PSME3IP1: variants seen among roughly 807,000 people sequenced by gnomAD.
PSME3IP1 encodes proteasome activator subunit 3 interacting protein 1.
In PSME3IP1, 13 loss-of-function variants were observed where a neutral mutation model predicts 34.1. That is an observed-to-expected ratio of 0.38 (90% CI 0.25 to 0.61). The LOEUF (loss-of-function observed/expected upper bound fraction) is 0.61. Ranked by LOEUF, PSME3IP1 falls within the 20% of genes least tolerant of loss-of-function variation. PSME3IP1 has a pLI of 0.60. For synonymous variants in PSME3IP1, 93 were observed against 114.3 expected, an observed-to-expected ratio of 0.81 and a Z score of 1.19; for missense variants, 237 against 301.4, an observed-to-expected ratio of 0.79 and a Z score of 1.58.
rs2072670811 is a variant in PSME3IP1, at chr16:57,172,229, TTCC to T, written c.348+19_348+21del. ...TGAGAAAATGGACACCTTACAGGTT[TTCC>T]TCCAAGTACAAAGGATATTCTGTAT... On this transcript the variant is annotated intron_variant, in intron 4 of 6. Coordinates refer to ENST00000309137, the MANE Select transcript of PSME3IP1 (RefSeq NM_024946.4). The T allele has an allele frequency of 6.2e-7, 1 of 1,611,318 alleles. No homozygotes were observed. Among genetic ancestry groups the T allele is most frequent in the Non-Finnish European group, 8.5e-7 (1 of 1,179,640 alleles).
chr16:57,183,638 T>C (rs753878503), intron 1 of PSME3IP1, among the ~76,000 whole-genome samples: 13 of 152,138 alleles, frequency 8.5e-5, no homozygotes, highest in Non-Finnish European at 1.9e-4. Flanking sequence ...CAGCCAAAAA[T>C]ATTAATTCTT....
chr16:57,157,502 T>C (rs141410050), intron 6 of PSME3IP1, among the ~76,000 whole-genome samples: 19 of 152,172 alleles, frequency 1.2e-4, no homozygotes, highest in East Asian at 3.9e-4. Context: ...GAACAATAAA[T>C]AAAAACTGGT....
At chr16:57,171,914 T>C (rs2072630080) in intron 4 of PSME3IP1, among the ~76,000 whole-genome samples, 1 of 152,220 alleles carries the variant, frequency 6.6e-6, no homozygotes, top group Non-Finnish European at 1.5e-5. Context: ...GGAAAGTTGC[T>C]AAACATGTTC....
At chr16:57,181,872 G>A (rs2073747224) in intron 1 of PSME3IP1, 2 of 152,228 alleles carry the variant, frequency 1.3e-5, no homozygotes, top group Admixed American at 1.3e-4. Context: ...CACTCTCTGG[G>A]GCACCATCAT....
In PSME3IP1 at chr16:57,172,265, G is replaced by A. The variant is rs770830499; in HGVS notation, c.334C>T (p.Leu112=). ...ACAAAGGATATTCTGTATTCCTTCAGTTCTTTCAGTTCTTCTTCTCTTCGT... is the reference window on the plus strand; with the variant it reads ...ACAAAGGATATTCTGTATTCCTTCAATTCTTTCAGTTCTTCTTCTCTTCGT... The part of the protein sequence containing the change: ...KQRREEELKE[L]KEYRNNLKKV... Residue 112 remains leucine, a synonymous_variant, in exon 4 of 7, where the codon CTG becomes TTG. Coordinates refer to ENST00000309137, the MANE Select transcript of PSME3IP1 (RefSeq NM_024946.4). The A allele has an allele frequency of 1.2e-6, 2 of 1,613,098 alleles. No individual in the cohort carries two copies. Among genetic ancestry groups the A allele is most frequent in the South Asian group, 2.2e-5 (2 of 91,042 alleles).
At chr16:57,168,030 C>G (rs940378769) in intron 4 of PSME3IP1, among the ~76,000 whole-genome samples, 2 of 152,178 alleles carry the variant, frequency 1.3e-5, no homozygotes, top group South Asian at 4.1e-4. Context: ...TCGGGGAGGT[C>G]ACTTTCACTT....
chr16:57,172,523 A>T, intron 3 of PSME3IP1, 151 bp from the exon 4 acceptor site: 1 of 892,632 alleles, frequency 1.1e-6, no homozygotes, highest in East Asian at 2.6e-5. Context: ...ATAACAGGGC[A>T]TAAAAAAAAA....
chr16:57,186,015 G>C lies in PSME3IP1; in HGVS notation c.-210C>G. ...TTTGTATTTCTTTTGACCCTTCAGG[G>C]CTTCCTGTTCCTCACCGCCACAATA... On this transcript the variant is annotated 5_prime_UTR_variant, in exon 1 of 7. Transcript: ENST00000309137. 5.1e-6 allele frequency: 5 copies of C among 985,318 alleles called. No homozygotes were observed. The highest frequency in any genetic ancestry group is 6.0e-6 in the Non-Finnish European group (5 of 829,926). 61.0% of individuals were successfully genotyped at this position (985,318 alleles called of 1,614,324 possible).
rs780262754 is a variant in PSME3IP1 at position 57,154,530 on chromosome 16, G to A, written c.548-23C>T. ...GCTCTGCAATAAAAGGGGAAAGACT[G>A]TCACTTCATCACCCTTTTCCAAAGT... On this transcript the variant is annotated intron_variant, in intron 6 of 6. Coordinates refer to ENST00000309137, the MANE Select transcript of PSME3IP1 (RefSeq NM_024946.4). This position sits in a 1 kb window ranked among gnomAD's most constrained non-coding sequence, Gnocchi z 4.0. The A allele has an allele frequency of 6.4e-7, 1 of 1,566,064 alleles. No homozygotes were observed. The highest frequency in any genetic ancestry group is 8.7e-7 in the Non-Finnish European group (1 of 1,153,074).
Position 57,152,978 on chromosome 16 carries a change from G to A in PSME3IP1, c.*1312C>T, listed in dbSNP as rs137979740. ...CTGCTCTGCCTGCCGGCATCACAGT[G>A]TCAACACATTTTGTGTGTGTCTCAC... On this transcript the variant is annotated 3_prime_UTR_variant, in exon 7 of 7. Transcript: ENST00000309137. 6.5e-6 allele frequency: 1 copy of A among 152,694 alleles called. No individual in the cohort carries two copies. The highest frequency in any genetic ancestry group is 1.5e-5 in the Non-Finnish European group (1 of 68,054). The allele number at this position is 152,694 out of a possible 1,614,324, so 9.5% of individuals were successfully genotyped here.
chr16:57,161,216 A>C (rs1471266083), intron 6 of PSME3IP1, among the ~76,000 whole-genome samples: 7 of 152,372 alleles, frequency 4.6e-5, no homozygotes, highest in Admixed American at 4.6e-4. Context: ...AATCTTGAAA[A>C]AGAGGAGCCA....
chr16:57,173,703 C>T (rs767270476), intron 2 of PSME3IP1, 25 bp downstream of exon 2: 6 of 1,612,514 alleles, frequency 3.7e-6, no homozygotes, highest in Non-Finnish European at 4.2e-6. Flanking sequence ...GATTAAAGAC[C>T]ATTATACTGA....
intron 6 of PSME3IP1, among the ~76,000 whole-genome samples, chr16:57,159,058 A>G (rs2070916189): frequency 6.6e-6 from 1 of 152,230 alleles, no homozygotes; most frequent in East Asian, 1.9e-4. Flanking sequence ...TCAAGGGCGA[A>G]TGGAATTTAA....
At chr16:57,183,981 CAT>C (rs1451035816) in intron 1 of PSME3IP1, among the ~76,000 whole-genome samples, 1 of 152,086 alleles carries the variant, frequency 6.6e-6, no homozygotes, top group Admixed American at 6.6e-5. Context: ...TGGAATTAAA[CAT>C]AGAGATTATA....
At position 57,174,908 on chromosome 16, in the gene PSME3IP1, T is replaced by G. The variant is rs189733226; in HGVS notation, c.-15-1039A>C. 1,254 of 154,940 alleles carry G rather than the reference T, an allele frequency of 8.1e-3. 8 individuals carry two copies. The highest frequency in any genetic ancestry group is 0.013 in the Non-Finnish European group (932 of 70,414). The allele number at this position is 154,940 out of a possible 1,614,324, so 9.6% of individuals were successfully genotyped here. ...TCCCACAATCACCTCAACCATTTTA[T>G]GCATATTTTGACACAGAAGATTACC... On this transcript the variant is annotated intron_variant, in intron 1 of 6. Coordinates refer to ENST00000309137, the MANE Select transcript of PSME3IP1 (RefSeq NM_024946.4).
intron 1 of PSME3IP1, 144 bp from the exon 2 acceptor site, chr16:57,174,013 C>T (rs1290544903): frequency 2.2e-5 from 18 of 834,582 alleles, no homozygotes; most frequent in Admixed American, 3.0e-5. Flanking sequence ...AAAAAATTCT[C>T]GGCCGGGTGC....
intron 5 of PSME3IP1, among the ~76,000 whole-genome samples, chr16:57,165,318 T>A (rs1259243123): frequency 1.4e-4 from 22 of 152,250 alleles, no homozygotes; most frequent in Non-Finnish European, 1.5e-5. Context: ...ATGGATATTT[T>A]AAAATACTTA....
chr16:57,170,800 C>T (rs1026371332), intron 4 of PSME3IP1, among the ~76,000 whole-genome samples: 3 of 152,142 alleles, frequency 2.0e-5, no homozygotes, highest in African/African-American at 7.2e-5. Context: ...TTGCTGGGTG[C>T]GGTGGCTTAC....
intron 1 of PSME3IP1, chr16:57,181,687 C>A (rs1385199317): frequency 6.6e-6 from 1 of 152,226 alleles, no homozygotes; most frequent in Non-Finnish European, 1.5e-5. Flanking sequence ...AATCAGGGTT[C>A]CCATGACCCC....
Sources: gnomAD v4.1 joint callset for allele counts (sites outside exome capture counted in the v4.1 genomes callset) on GRCh38, gnomAD v4.1.1 for gene constraint, Gnocchi (gnomAD v3.1) non-coding constraint, MANE v1.5 for transcripts, NCBI Gene and HGNC (gene_info 2026-07-23, HGNC 2026-07-21) for gene names.